Variants in KDM4C observed in about 807,000 individuals in gnomAD.
KDM4C encodes lysine demethylase 4C.
A neutral mutation model predicts 129.3 loss-of-function variants in KDM4C; 81 were observed. The observed-to-expected ratio is 0.63, with a 90% confidence interval of 0.52 to 0.75. The LOEUF (loss-of-function observed/expected upper bound fraction) is 0.75, where lower values mean the gene tolerates loss of function less well. KDM4C is among the 30% of genes least tolerant of loss of function. The probability of loss-of-function intolerance (pLI) is 0.00; values close to 1 mark genes in which losing one functional copy is unlikely to be tolerated. For synonymous variants in KDM4C, 573 were observed against 456.1 expected (o/e 1.26, Z -3.26); for missense variants, 1,457 against 1,304.0 (o/e 1.12, Z -1.81).
intron 1 of KDM4C, among the ~76,000 whole-genome samples, chr9:6,773,543 G>A (rs1315604904): frequency 2.0e-5 from 3 of 152,068 alleles, no homozygotes; most frequent in African/African-American, 4.8e-5. Context: ...AGGCTGAGAC[G>A]GGCAGATCAC....
intron 1 of KDM4C, chr9:6,734,970 A>G: frequency 1.8e-6 from 1 of 570,610 alleles, no homozygotes; most frequent in South Asian, 1.4e-5. Context: ...TAACACATCA[A>G]CTCCAACCAC....
intron 1 of KDM4C, among the ~76,000 whole-genome samples, chr9:6,767,634 C>G (rs747320862): frequency 6.6e-6 from 1 of 151,912 alleles, no homozygotes; most frequent in Non-Finnish European, 1.5e-5. Context: ...GGGGTTTTGC[C>G]GTTTTTAGTA....
At chr9:6,950,350 G>C (rs1259811236) in intron 8 of KDM4C, among the ~76,000 whole-genome samples, 1 of 152,086 alleles carries the variant, frequency 6.6e-6, no homozygotes, top group African/African-American at 2.4e-5. Flanking sequence ...TGTTTAGAAT[G>C]AAGAAAATTA....
Position 7,081,931 on chromosome 9 carries a change from C to A in KDM4C, c.2425-21754C>A, listed in dbSNP as rs1364372100. ...TTTAGAAATTGAATCAGAGCAGGAA[C>A]CCAGAGAGCTAGTTGCCGGCTAATG... On this transcript the variant is annotated intron_variant, in intron 17 of 21. Coordinates refer to ENST00000381309, the MANE Select transcript of KDM4C (RefSeq NM_015061.6). Among the ~76,000 whole-genome samples the A allele has an allele frequency of 2.6e-5, 4 of 152,030 alleles. No homozygotes were observed. The East Asian group carries it at 5.8e-4, about 22-fold the overall frequency.
intron 2 of KDM4C, among the ~76,000 whole-genome samples, chr9:6,802,353 G>A (rs1226707456): frequency 6.6e-6 from 1 of 152,146 alleles, no homozygotes; most frequent in Non-Finnish European, 1.5e-5. Context: ...CAATATCTAT[G>A]AAATTTGAAC....
intron 18 of KDM4C, among the ~76,000 whole-genome samples, chr9:7,120,733 C>G (rs1839400771): frequency 1.3e-5 from 2 of 152,102 alleles, no homozygotes; most frequent in South Asian, 2.1e-4. Flanking sequence ...AAATTTTTAT[C>G]ATTTCACTTT....
At chr9:6,879,840 C>G (rs972080254) in intron 5 of KDM4C, among the ~76,000 whole-genome samples, 172 bp from the exon 6 acceptor site, 9 of 151,972 alleles carry the variant, frequency 5.9e-5, no homozygotes, top group Admixed American at 2.0e-4. Context: ...TTTTTCTGTT[C>G]ATTGTCTAAG....
At chr9:7,125,393 C>T (rs1839929172) in intron 18 of KDM4C, among the ~76,000 whole-genome samples, 1 of 152,220 alleles carries the variant, frequency 6.6e-6, no homozygotes, top group Admixed American at 6.5e-5. Flanking sequence ...CTTCATGGCA[C>T]ATACCTGTGT....
chr9:6,765,617 A>G (rs1820468997), intron 1 of KDM4C, among the ~76,000 whole-genome samples: 1 of 152,226 alleles, frequency 6.6e-6, no homozygotes, highest in Non-Finnish European at 1.5e-5. Flanking sequence ...CTCAACGAAC[A>G]TTTATTGTGC....
chr9:7,008,565 T>C (rs1822106909), intron 12 of KDM4C, among the ~76,000 whole-genome samples: 1 of 152,188 alleles, frequency 6.6e-6, no homozygotes, highest in Non-Finnish European at 1.5e-5. Context: ...GGTACAGGTC[T>C]ACCATAGAAG....
At chr9:6,912,109 T>G (rs940934353) in intron 8 of KDM4C, among the ~76,000 whole-genome samples, 1 of 152,160 alleles carries the variant, frequency 6.6e-6, no homozygotes, top group African/African-American at 2.4e-5. Context: ...TTTCTCAAGG[T>G]GCAGGCAGAG....
At chr9:6,949,617 T>C (rs1827727019) in intron 8 of KDM4C, among the ~76,000 whole-genome samples, 2 of 152,138 alleles carry the variant, frequency 1.3e-5, no homozygotes, top group Admixed American at 6.5e-5. Flanking sequence ...GGCTGGCAGA[T>C]CACTCGCGGT....
intron 3 of KDM4C, among the ~76,000 whole-genome samples, chr9:6,814,203 A>G (rs995128848): frequency 6.6e-6 from 1 of 152,202 alleles, no homozygotes; most frequent in Non-Finnish European, 1.5e-5. Context: ...TAATAACTGC[A>G]AAATATCTTA....
intron 5 of KDM4C, among the ~76,000 whole-genome samples, chr9:6,864,093 A>G (rs139611050): frequency 6.8e-4 from 104 of 152,342 alleles, no homozygotes; most frequent in Middle Eastern, 6.8e-3. Flanking sequence ...TGGGTTTTGC[A>G]TCTTTAAATG....
chr9:6,787,904 AG>A, intron 1 of KDM4C, among the ~76,000 whole-genome samples: 1 of 152,372 alleles, frequency 6.6e-6, no homozygotes, highest in Admixed American at 6.5e-5. Flanking sequence ...CCCCAGGATC[AG>A]TTCCCATCTC....
chr9:6,932,801 C>T (rs56279813), intron 8 of KDM4C, among the ~76,000 whole-genome samples: 38,303 of 151,984 alleles, frequency 0.25, 5,300 homozygotes, highest in South Asian at 0.39. Flanking sequence ...ATGGCATCAG[C>T]GGCCTCTGCC....
chr9:6,976,529 T>A (rs1348890966), intron 8 of KDM4C, among the ~76,000 whole-genome samples: 1 of 152,212 alleles, frequency 6.6e-6, no homozygotes, highest in East Asian at 1.9e-4. Flanking sequence ...TTTAAAGTTT[T>A]ATACACAGTC....
At chr9:7,025,087 G>T (rs921907377) in intron 15 of KDM4C, among the ~76,000 whole-genome samples, 3 of 152,164 alleles carry the variant, frequency 2.0e-5, no homozygotes, top group African/African-American at 7.2e-5. Context: ...CTCTTGCTCA[G>T]TTGACCTCTT....
intron 1 of KDM4C, among the ~76,000 whole-genome samples, chr9:6,792,575 G>A (rs922282542): frequency 6.6e-6 from 1 of 151,970 alleles, no homozygotes; most frequent in African/African-American, 2.4e-5. Flanking sequence ...TTTTAGTAGA[G>A]GTGGGGTTTC....
Sources: allele counts gnomAD v4.1 joint callset (sites outside exome capture counted in the v4.1 genomes callset), GRCh38; gene constraint gnomAD v4.1.1; transcripts MANE v1.5; gene names NCBI Gene and HGNC (gene_info 2026-07-23, HGNC 2026-07-21).